KIF5A: variants seen among roughly 807,000 people sequenced by gnomAD.
The protein encoded by KIF5A is kinesin heavy chain isoform 5A.
KIF5A carries 35 observed loss-of-function variants against 141.3 expected under a neutral mutation model. That is an observed-to-expected ratio of 0.25 (90% CI 0.19 to 0.33). The LOEUF is 0.33. Among genes scored for constraint, KIF5A ranks in the 10% least tolerant of loss-of-function variants. KIF5A has a pLI of 1.00. For missense variants in KIF5A, 861 were observed against 1,314.3 expected (o/e 0.66, Z 5.33); for synonymous variants, 448 against 500.2 (o/e 0.90, Z 1.39).
intron 27 of KIF5A, 122 bp downstream of exon 27, chr12:57,582,751 A>G (rs897271167): frequency 1.1e-5 from 9 of 830,176 alleles, no homozygotes; most frequent in Admixed American, 1.7e-5. Context: ...AGTGAGACTC[A>G]TTCTTTTCAT....
chr12:57,572,915 C>A lies in KIF5A; in HGVS notation c.1716+189C>A, dbSNP rs562729187. On this transcript the variant is annotated intron_variant, in intron 15 of 28. Transcript: ENST00000455537. This position sits in a 1 kb window ranked among gnomAD's most constrained non-coding sequence, Gnocchi z 4.2. ...TTGAAAAGATACATTCTAGGTTGGG[C>A]GCAGTGGCTCACCGCTGTAATCCCA... 1.3e-5 allele frequency among the ~76,000 whole-genome samples: 2 copies of A among 152,184 alleles called. No individual in the cohort carries two copies. The highest frequency in any genetic ancestry group is 4.8e-5 in the African/African-American group (2 of 41,456).
At chr12:57,556,881 C>T (rs1881764439) in intron 1 of KIF5A, among the ~76,000 whole-genome samples, 1 of 152,112 alleles carries the variant, frequency 6.6e-6, no homozygotes, top group East Asian at 1.9e-4. Flanking sequence ...AAATGATGCC[C>T]ACCCAGATTA....
chr12:57,571,184 T>G, intron 12 of KIF5A, 137 bp from the exon 13 acceptor site: 1 of 695,058 alleles, frequency 1.4e-6, no homozygotes, highest in Admixed American at 2.0e-5. Context: ...GATCTTCCTG[T>G]AGGATATGGG....
In KIF5A at chr12:57,576,376, A is replaced by G. The variant is rs1462609432; in HGVS notation, c.2196A>G (p.Lys732=). Residue 732 remains lysine (K), a splice_region_variant and synonymous_variant, in exon 19 of 29, where the codon AAA becomes AAG. Transcript: ENST00000455537. The stretch of plus-strand genomic sequence containing the variant: ...AGCAGAAGACCATTGATGAGCTCAA[A>G]GAGTAAGGGTTCCCAAGGGCGACTC... The part of the protein sequence containing the change: ...NEKQKTIDEL[K]DLNQKLQLEL... 27 of 1,613,258 alleles carry G rather than the reference A, an allele frequency of 1.7e-5. No homozygotes were observed. The highest frequency in any genetic ancestry group is 2.7e-5 in the African/African-American group (2 of 74,910).
chr12:57,568,026 G>A (rs1176050920), intron 8 of KIF5A, among the ~76,000 whole-genome samples: 1 of 151,742 alleles, frequency 6.6e-6, no homozygotes, highest in Non-Finnish European at 1.5e-5. Flanking sequence ...GGGATTACAG[G>A]CTCCCGCCAC....
intron 3 of KIF5A, 29 bp from the exon 4 acceptor site, chr12:57,564,079 C>G: frequency 6.6e-7 from 1 of 1,516,604 alleles, no homozygotes; most frequent in Non-Finnish European, 9.2e-7. Flanking sequence ...TGAGCCCCAG[C>G]TTCACTCTCA....
In KIF5A at chr12:57,572,398, C is replaced by T; in HGVS notation, c.1569+131C>T. The T allele has an allele frequency of 1.6e-6, 2 of 1,227,984 alleles. No homozygotes were observed. Among genetic ancestry groups the T allele is most frequent in the South Asian group, 1.3e-5 (1 of 77,124 alleles). 76.1% of individuals were successfully genotyped at this position (1,227,984 alleles called of 1,614,324 possible). ...ACTGCTGTTCAGTGCATTGTGAGTCCCTCCCCAACCCTGTCACTGCACTTT... is the reference window on the plus strand; with the variant it reads ...ACTGCTGTTCAGTGCATTGTGAGTCTCTCCCCAACCCTGTCACTGCACTTT... On this transcript the variant is annotated intron_variant, in intron 14 of 28. Transcript: ENST00000455537. This position sits in a 1 kb window ranked among gnomAD's most constrained non-coding sequence, Gnocchi z 4.2.
intron 7 of KIF5A, 119 bp from the exon 8 acceptor site, chr12:57,567,375 G>A: frequency 2.3e-6 from 3 of 1,277,298 alleles, no homozygotes; most frequent in Non-Finnish European, 2.2e-6. Context: ...TGGCAGCAGG[G>A]CTAGTCCTGG....
chr12:57,569,826 C>A, intron 11 of KIF5A, 143 bp downstream of exon 11: 1 of 1,415,750 alleles, frequency 7.1e-7, no homozygotes, highest in East Asian at 2.4e-5. Context: ...GTAGAGCAGT[C>A]ATGGGGGAAG....
At chr12:57,580,871 C>G in intron 23 of KIF5A, 85 bp from the exon 24 acceptor site, 1 of 1,239,738 alleles carries the variant, frequency 8.1e-7, no homozygotes, top group Non-Finnish European at 1.2e-6. Context: ...TCTCTCTCCT[C>G]ACCCCTGTCC....
intron 15 of KIF5A, 74 bp from the exon 16 acceptor site, chr12:57,575,010 G>C (rs1019247364): frequency 2.2e-6 from 3 of 1,392,742 alleles, no homozygotes; most frequent in Non-Finnish European, 3.1e-6. Flanking sequence ...TGTATGGGTA[G>C]GTAGAAGGTG....
rs562729187 is a variant in KIF5A, at chr12:57,572,915, C to T, written c.1716+189C>T. Among the ~76,000 whole-genome samples, 11 of 152,302 alleles carry T rather than the reference C, an allele frequency of 7.2e-5. No homozygotes were observed. Among genetic ancestry groups the T allele is most frequent in the African/African-American group, 9.6e-5 (4 of 41,578 alleles). On this transcript the variant is annotated intron_variant, in intron 15 of 28. Transcript: ENST00000455537. This position sits in a 1 kb window ranked among gnomAD's most constrained non-coding sequence, Gnocchi z 4.2. ...TTGAAAAGATACATTCTAGGTTGGG[C>T]GCAGTGGCTCACCGCTGTAATCCCA...
chr12:57,584,076 G>A (rs1882685940), intron 28 of KIF5A, 142 bp from the exon 29 acceptor site: 1 of 152,234 alleles, frequency 6.6e-6, no homozygotes, highest in South Asian at 2.1e-4. Flanking sequence ...CCTGGGTCAC[G>A]GGGGGCGGTG....
chr12:57,555,939 GA>G (rs931692761), intron 1 of KIF5A, among the ~76,000 whole-genome samples: 1 of 143,268 alleles, frequency 7.0e-6, no homozygotes, highest in Non-Finnish European at 1.5e-5. Context: ...AAGAAAGAAA[GA>G]AAAAAAAGAA....
chr12:57,569,746 A>G (rs1170692221), intron 11 of KIF5A, 63 bp downstream of exon 11: 3 of 1,596,598 alleles, frequency 1.9e-6, no homozygotes, highest in East Asian at 2.2e-5. Context: ...TTGGGAGCCA[A>G]CTCTGTTTGG....
At chr12:57,561,038 G>A (rs1881894683) in intron 1 of KIF5A, among the ~76,000 whole-genome samples, 1 of 151,872 alleles carries the variant, frequency 6.6e-6, no homozygotes, top group South Asian at 2.1e-4. Flanking sequence ...TTATTTGTTT[G>A]TTTATTTGTT....
At chr12:57,556,198 G>T (rs1012951706) in intron 1 of KIF5A, among the ~76,000 whole-genome samples, 5 of 151,514 alleles carry the variant, frequency 3.3e-5, no homozygotes, top group Non-Finnish European at 7.4e-5. Flanking sequence ...GAGTGCAGTG[G>T]CGCGATCTCG....
intron 28 of KIF5A, 50 bp downstream of exon 28, chr12:57,583,265 G>C: frequency 9.4e-7 from 1 of 1,065,390 alleles, no homozygotes; most frequent in Non-Finnish European, 1.4e-6. Flanking sequence ...TTCCCTTCTT[G>C]CTGACAGCCT....
At chr12:57,551,811 G>T (rs1881581613) in intron 1 of KIF5A, among the ~76,000 whole-genome samples, 1 of 151,942 alleles carries the variant, frequency 6.6e-6, no homozygotes, top group East Asian at 1.9e-4. Context: ...GTCCCCAAGG[G>T]CCCCAGTCTG....
Sources: allele counts gnomAD v4.1 joint callset (sites outside exome capture counted in the v4.1 genomes callset), GRCh38; gene constraint gnomAD v4.1.1; non-coding constraint Gnocchi (gnomAD v3.1); transcripts MANE v1.5; gene names NCBI Gene and HGNC (gene_info 2026-07-23, HGNC 2026-07-21).